TRAIP: variants seen among roughly 807,000 people sequenced by gnomAD.
TRAIP encodes the protein TRAF interacting protein, also known as E3 ubiquitin-protein ligase TRAIP.
A neutral mutation model predicts 65.0 loss-of-function variants in TRAIP; 37 were observed. The ratio of observed to expected loss-of-function variants is 0.57; its 90% CI spans 0.44 to 0.75. TRAIP has a LOEUF of 0.75. Among genes scored for constraint, TRAIP ranks in the 30% least tolerant of loss-of-function variants. The pLI, the probability that TRAIP is intolerant of heterozygous loss-of-function variation, is 0.00. For synonymous variants in TRAIP, 187 were observed against 219.1 expected, an observed-to-expected ratio of 0.85 and a Z score of 1.29; for missense variants, 481 against 579.4, an observed-to-expected ratio of 0.83 and a Z score of 1.74.
intron 9 of TRAIP, 103 bp from the exon 10 acceptor site, chr3:49,839,963 G>A (rs2081824343): frequency 1.6e-6 from 2 of 1,219,378 alleles, no homozygotes; most frequent in African/African-American, 3.0e-5. Context: ...AGCCCACTGG[G>A]AACAGAGCAA....
chr3:49,833,974 C>T (rs2081759131), intron 10 of TRAIP, among the ~76,000 whole-genome samples: 1 of 152,156 alleles, frequency 6.6e-6, no homozygotes. Context: ...ACCCTTGGGA[C>T]ACCCACCCAT....
chr3:49,855,389 A>G (rs1056747603), intron 1 of TRAIP, among the ~76,000 whole-genome samples: 3 of 152,128 alleles, frequency 2.0e-5, no homozygotes, highest in Non-Finnish European at 4.4e-5. Context: ...TGGAGGTTGC[A>G]GTGAGCCGAG....
At chr3:49,849,847 T>C (rs189873827) in intron 1 of TRAIP, among the ~76,000 whole-genome samples, 1,631 of 139,452 alleles carry the variant, frequency 0.012, 37 homozygotes, top group African/African-American at 0.041. Flanking sequence ...TTTCTTTTTT[T>C]TTTTTTTTTT....
chr3:49,833,771 G>A (rs749951723), intron 10 of TRAIP, among the ~76,000 whole-genome samples: 5 of 152,272 alleles, frequency 3.3e-5, no homozygotes, highest in African/African-American at 7.2e-5. Context: ...GAGCCACCGC[G>A]CCCGGCCTTG....
rs1195165292 is a variant in TRAIP at position 49,847,512 on chromosome 3, A to G, written c.240+13T>C. On this transcript the variant is annotated intron_variant, in intron 3 of 14. Transcript: ENST00000331456. ...GGCTTGGAGTTCAGTAGAATCAGAT[A>G]AATTCTGGGTACCTTTAAGAATTCT... 2 of 1,579,842 alleles carry G rather than the reference A, an allele frequency of 1.3e-6. No homozygotes were observed. The highest frequency in any genetic ancestry group is 1.1e-5 in the South Asian group (1 of 87,746).
intron 1 of TRAIP, among the ~76,000 whole-genome samples, chr3:49,851,200 C>G (rs1346233586): frequency 6.6e-6 from 1 of 152,130 alleles, no homozygotes; most frequent in Non-Finnish European, 1.5e-5. Flanking sequence ...TCTAGAACTT[C>G]TGGGCTCAAG....
intron 8 of TRAIP, 56 bp from the exon 9 acceptor site, chr3:49,840,429 C>T: frequency 3.5e-6 from 5 of 1,441,708 alleles, no homozygotes; most frequent in Non-Finnish European, 4.9e-6. Context: ...TGTGCCCTGC[C>T]CCCTCCTGCT....
chr3:49,845,023 C>A (rs1341688558), intron 3 of TRAIP, among the ~76,000 whole-genome samples: 1 of 152,250 alleles, frequency 6.6e-6, no homozygotes, highest in Admixed American at 6.5e-5. Context: ...CACCCTGGGT[C>A]TTCCTGATTC....
intron 10 of TRAIP, among the ~76,000 whole-genome samples, chr3:49,839,138 G>A (rs1050390080): frequency 6.6e-6 from 1 of 151,444 alleles, no homozygotes; most frequent in Admixed American, 6.6e-5. Flanking sequence ...GCAGTGAGCC[G>A]AGATAGTGCC....
In TRAIP at chr3:49,829,349, C is replaced by T. The variant is rs1354629002; in HGVS notation, c.1287+109G>A. 3.7e-6 allele frequency: 6 copies of T among 1,610,482 alleles called. No homozygotes were observed. In the East Asian group the frequency reaches 1.1e-4, roughly 30 times the overall value. On this transcript the variant is annotated intron_variant, in intron 14 of 14. Coordinates refer to ENST00000331456, the MANE Select transcript of TRAIP (RefSeq NM_005879.3). ...GGCGGCGCTGATACACAGAATGAGG[C>T]CCAGCACTGCACACCTGAGGCTGTT...
At chr3:49,832,708 GGGGGGGGGTGGGGGGT>G (rs2081746376) in intron 10 of TRAIP, among the ~76,000 whole-genome samples, 1 of 131,072 alleles carries the variant, frequency 7.6e-6, no homozygotes, top group African/African-American at 2.9e-5. Context: ...CACGGGGGGG[GGGGGGGGGTGGGGGGT>G]GGGGAGTGAA....
chr3:49,852,435 G>A (rs1422436956), intron 1 of TRAIP, among the ~76,000 whole-genome samples: 1 of 150,642 alleles, frequency 6.6e-6, no homozygotes, highest in Non-Finnish European at 1.5e-5. Flanking sequence ...GATAATGGCT[G>A]ATAATTTTCC....
chr3:49,847,429 G>T, intron 3 of TRAIP, 96 bp downstream of exon 3: 1 of 778,830 alleles, frequency 1.3e-6, no homozygotes, highest in Non-Finnish European at 2.1e-6. Context: ...AAAGAGAAGA[G>T]AAGAGAAGAG....
intron 10 of TRAIP, among the ~76,000 whole-genome samples, chr3:49,839,227 T>C (rs887797529): frequency 4.0e-5 from 6 of 150,536 alleles, no homozygotes; most frequent in Non-Finnish European, 7.4e-5. Flanking sequence ...CTGGGGCCAC[T>C]GACAGGAGTT....
intron 12 of TRAIP, 54 bp downstream of exon 12, chr3:49,829,966 C>T: frequency 6.2e-7 from 1 of 1,611,342 alleles, no homozygotes; most frequent in Non-Finnish European, 8.5e-7. Context: ...CGTGCCCTCC[C>T]AAAAGTCCAG....
In TRAIP at chr3:49,839,781, AC is replaced by A; in HGVS notation, c.874del (p.Val292PhefsTer2). The A allele has an allele frequency of 6.2e-7, 1 of 1,614,060 alleles. No homozygotes were observed. Among genetic ancestry groups the A allele is most frequent in the Non-Finnish European group, 8.5e-7 (1 of 1,179,966 alleles). Reference sequence around the variant, plus strand: ...CCAAGGCTCAACAAACCTCTCTAAAACCAGGCGGTCGACAGTCTCACTGGCC... The same window carrying A: ...CCAAGGCTCAACAAACCTCTCTAAAACAGGCGGTCGACAGTCTCACTGGCC... ...PVASETVDRLVLESPAPVEVN... is the reference protein window; with the variant it reads ...PVASETVDRLXLESPAPVEVN... On this transcript the variant is annotated frameshift_variant, in exon 10 of 15. Coordinates refer to ENST00000331456, the MANE Select transcript of TRAIP (RefSeq NM_005879.3). LOFTEE classifies it high-confidence loss of function.
chr3:49,842,621 C>G, intron 5 of TRAIP, 74 bp from the exon 6 acceptor site: 1 of 1,395,432 alleles, frequency 7.2e-7, no homozygotes, highest in Non-Finnish European at 1.0e-6. Context: ...TAGGAAAACT[C>G]TGCTCCAGAA....
chr3:49,829,300 A>G (rs1285157259), intron 14 of TRAIP, 75 bp from the exon 15 acceptor site: 8 of 1,613,134 alleles, frequency 5.0e-6, no homozygotes, highest in African/African-American at 2.7e-5. Context: ...AATGCAGGGC[A>G]AGAAAGGCTC....
At chr3:49,843,982 A>G in intron 4 of TRAIP, 54 bp from the exon 5 acceptor site, 1 of 1,559,864 alleles carries the variant, frequency 6.4e-7, no homozygotes, top group Non-Finnish European at 8.7e-7. Context: ...ATCCATCAGC[A>G]GAAGAACTTG....
Sources: gnomAD v4.1 joint callset for allele counts (sites outside exome capture counted in the v4.1 genomes callset) on GRCh38, gnomAD v4.1.1 for gene constraint, MANE v1.5 for transcripts, NCBI Gene and HGNC (gene_info 2026-07-23, HGNC 2026-07-21) for gene names.